Variants in DDX11 observed in about 807,000 individuals in gnomAD.
DDX11 encodes the protein DEAD/H-box helicase 11.
Under a neutral mutation model 125.2 loss-of-function variants are expected in DDX11, and 72 were observed. That is an observed-to-expected ratio of 0.58 (90% confidence interval 0.48 to 0.70). The LOEUF is 0.70. Ranked by LOEUF, DDX11 falls within the 30% of genes least tolerant of loss-of-function variation. The pLI, the probability that DDX11 is intolerant of heterozygous loss-of-function variation, is 0.00. For synonymous variants in DDX11, 347 were observed against 452.6 expected (o/e 0.77, Z 2.96); for missense variants, 883 against 1,165.0 (o/e 0.76, Z 3.52).
chr12:31,093,733 A>AAG, intron 12 of DDX11: 1 of 208,676 alleles, frequency 4.8e-6, no homozygotes, highest in South Asian at 7.5e-5. Context: ...AAAAAAAAAA[A>AAG]AAAAAAAAAA....
intron 1 of DDX11, 152 bp from the exon 2 acceptor site, chr12:31,078,238 G>A: frequency 5.8e-6 from 9 of 1,561,666 alleles, no homozygotes; most frequent in East Asian, 2.4e-5. Context: ...GACCTGCTGC[G>A]AAGGATGGAG....
At chr12:31,095,179 G>C (rs1414833117) in intron 14 of DDX11, among the ~76,000 whole-genome samples, 4 of 152,178 alleles carry the variant, frequency 2.6e-5, no homozygotes, top group Non-Finnish European at 5.9e-5. Flanking sequence ...TTGGGCCTTG[G>C]GTCTGGTTGC....
rs1465832650 is a variant in DDX11, at chr12:31,089,074, C to A, written c.715C>A (p.Leu239Met). ...TTACTGTAGTCGGACACACTCCCAG[C>A]TGGCCCAGTTTGTGCATGAGGTGAA... ...IYYCSRTHSQ[L>M]AQFVHEVKKS... Residue 239 changes from leucine to methionine, a missense_variant, in exon 7 of 27, where the codon CTG (leucine) becomes ATG (methionine). By Grantham distance (15) the Leu-to-Met change is conservative. This residue lies in a region of DDX11 where 283 missense variants were observed against 359.6 expected (regional missense o/e 0.79). Transcript: ENST00000542838. The A allele has an allele frequency of 6.2e-7, 1 of 1,614,018 alleles. No individual in the cohort carries two copies. Among genetic ancestry groups the A allele is most frequent in the Admixed American group, 1.7e-5 (1 of 60,022 alleles).
intron 5 of DDX11, chr12:31,087,459 G>A (rs1233021771): frequency 9.5e-6 from 3 of 314,822 alleles, no homozygotes; most frequent in African/African-American, 4.3e-5. Flanking sequence ...AGAGCAGCCA[G>A]GCCTACCAGG....
At chr12:31,090,850 C>CT (rs1385100624) in intron 9 of DDX11, among the ~76,000 whole-genome samples, 4 of 152,248 alleles carry the variant, frequency 2.6e-5, no homozygotes, top group African/African-American at 9.6e-5. Flanking sequence ...TGTGTGGGCA[C>CT]TGGCAGAGAA....
intron 5 of DDX11, among the ~76,000 whole-genome samples, chr12:31,087,111 A>G (rs1244855682): frequency 2.0e-5 from 3 of 150,096 alleles, no homozygotes; most frequent in Non-Finnish European, 4.4e-5. Flanking sequence ...GCTTCAGGCC[A>G]TGGGATGCAG....
At chr12:31,076,313 G>A (rs1461998924) in intron 1 of DDX11, among the ~76,000 whole-genome samples, 1 of 152,218 alleles carries the variant, frequency 6.6e-6, no homozygotes, top group East Asian at 1.9e-4. Flanking sequence ...GCAGGAGAGT[G>A]AACCCCGTGG....
chr12:31,077,543 T>C lies in DDX11; in HGVS notation c.-4-847T>C, dbSNP rs533834285. On this transcript the variant is annotated intron_variant, in intron 1 of 26. Coordinates refer to ENST00000542838, the MANE Select transcript of DDX11 (RefSeq NM_030653.4). ...GATGAACTAAGAAGCAAACTAAAGA[T>C]ACTTGTAAGATAAGGACGTGTAGGC... Among the ~76,000 whole-genome samples the C allele has an allele frequency of 1.9e-4, 29 of 151,972 alleles. No homozygotes were observed. The East Asian group carries it at 5.1e-3, about 27-fold the overall frequency.
chr12:31,081,089 G>A (rs563135505), intron 2 of DDX11, among the ~76,000 whole-genome samples: 6 of 152,188 alleles, frequency 3.9e-5, no homozygotes, highest in African/African-American at 1.2e-4. Context: ...TCCCTCTCAG[G>A]TCTTTCCATC....
Position 31,083,870 on chromosome 12 carries a change from A to T in DDX11, c.202A>T (p.Lys68Ter), listed in dbSNP as rs1942506591. ...CTCTTGGCTCCGTGACTTTGAACAG[A>T]AGAAGCGTGAAGAAGAGGCACGACT... ...ALSWLRDFEQ[K>*]KREEEARLLE... The change falls in exon 3 of 27, where the codon AAG becomes TAG. Residue 68 changes from lysine (K) to a stop codon, truncating the protein, a stop_gained. Transcript: ENST00000542838. LOFTEE classifies it high-confidence loss of function. 5.0e-6 allele frequency: 8 copies of T among 1,612,892 alleles called. No homozygotes were observed. The highest frequency in any genetic ancestry group is 6.8e-6 in the Non-Finnish European group (8 of 1,179,862).
Position 31,099,080 on chromosome 12 carries a change from C to CTTTTTTTTTTTTTTTTTTTTTTTTTT in DDX11, c.1875+1086_1875+1087insTTTTTTTTTTTTTTTTTTTTTTTTTT, listed in dbSNP as rs1467965765. ...AATCCATACTGGTATTTCTTTCTTT[C>CTTTTTTTTTTTTTTTTTTTTTTTTTT]TTTCTTTTTTTTTTTTTTTTTTTTT... On this transcript the variant is annotated intron_variant, in intron 18 of 26. Coordinates refer to ENST00000542838, the MANE Select transcript of DDX11 (RefSeq NM_030653.4). Among the ~76,000 whole-genome samples, 22 of 81,312 alleles carry CTTTTTTTTTTTTTTTTTTTTTTTTTT rather than the reference C, an allele frequency of 2.7e-4. 4 individuals carry two copies. Among genetic ancestry groups the CTTTTTTTTTTTTTTTTTTTTTTTTTT allele is most frequent in the Non-Finnish European group, 3.3e-4 (15 of 45,848 alleles). The allele number at this position is 81,312 out of a possible 152,430, so 53.3% of individuals were successfully genotyped here.
intron 23 of DDX11, 60 bp downstream of exon 23, chr12:31,102,587 C>G: frequency 6.6e-7 from 1 of 1,505,712 alleles, no homozygotes; most frequent in Non-Finnish European, 9.2e-7. Context: ...TCACTCCCAG[C>G]AGCTGGGCCC....
At chr12:31,101,588 T>C (rs2553120) in intron 20 of DDX11, 284,455 of 552,738 alleles carry the variant, frequency 0.51, 76,657 homozygotes, top group East Asian at 0.85. Flanking sequence ...GGAGGCCCCC[T>C]AGGGACGCTA....
chr12:31,078,607 C>A lies in DDX11; in HGVS notation c.144+70C>A, dbSNP rs963266976. On this transcript the variant is annotated intron_variant, in intron 2 of 26. Coordinates refer to ENST00000542838, the MANE Select transcript of DDX11 (RefSeq NM_030653.4). ...CAGCCGTACTAGCTTTTCCTGTTTGCCTATCCAGAGATTTTCATAGTTTGA... is the reference window on the plus strand; with the variant it reads ...CAGCCGTACTAGCTTTTCCTGTTTGACTATCCAGAGATTTTCATAGTTTGA... 93 of 1,609,072 alleles carry A rather than the reference C, an allele frequency of 5.8e-5. 1 individual carries two copies. In the African/African-American group the frequency reaches 1.1e-3, roughly 19 times the overall value.
At chr12:31,102,400 A>G in intron 22 of DDX11, 27 bp from the exon 23 acceptor site, 1 of 1,612,356 alleles carries the variant, frequency 6.2e-7, no homozygotes, top group Non-Finnish European at 8.5e-7. Context: ...TTGGCTCAGC[A>G]ACTCAGCGTC....
chr12:31,089,295 C>T, intron 7 of DDX11, 108 bp from the exon 8 acceptor site: 1 of 1,424,692 alleles, frequency 7.0e-7, no homozygotes, highest in Non-Finnish European at 9.9e-7. Flanking sequence ...CCTGGCCGGC[C>T]CAGCACTGGA....
chr12:31,096,943 C>T lies in DDX11; in HGVS notation c.1715C>T (p.Ala572Val), dbSNP rs147653293. Reference sequence around the variant, plus strand: ...ATGCACATCCAAGGCTTCCTGGCAGCTCTCACTACGGCCAACCAGGACGGC... The same window carrying T: ...ATGCACATCCAAGGCTTCCTGGCAGTTCTCACTACGGCCAACCAGGACGGC... ...PLMHIQGFLA[A>V]LTTANQDGRV... Residue 572 changes from alanine (A) to valine (V), a missense_variant, in exon 17 of 27, where the codon GCT becomes GTT. Ala to Val is a moderately conservative substitution (Grantham distance 64). Coordinates refer to ENST00000542838, the MANE Select transcript of DDX11 (RefSeq NM_030653.4). The T allele has an allele frequency of 3.0e-4, 482 of 1,614,124 alleles. 1 individual carries two copies. In the African/African-American group the frequency reaches 5.8e-3, roughly 20 times the overall value.
chr12:31,092,602 C>G (rs1944430841), intron 10 of DDX11, among the ~76,000 whole-genome samples: 1 of 152,076 alleles, frequency 6.6e-6, no homozygotes, highest in Non-Finnish European at 1.5e-5. Flanking sequence ...AGGAATTCAG[C>G]CTCTTGCTTT....
intron 19 of DDX11, 147 bp downstream of exon 19, chr12:31,100,854 C>T (rs1235604513): frequency 9.2e-7 from 1 of 1,091,694 alleles, no homozygotes; most frequent in Non-Finnish European, 1.4e-6. Flanking sequence ...CGCCCAGGCT[C>T]TCCTGCTTTG....
Sources: gnomAD v4.1 joint callset for allele counts (sites outside exome capture counted in the v4.1 genomes callset) on GRCh38, gnomAD v4.1.1 for gene constraint, gnomAD v4.1.1 regional missense constraint, MANE v1.5 for transcripts, NCBI Gene and HGNC (gene_info 2026-07-23, HGNC 2026-07-21) for gene names.